Variants in MACF1 observed in about 807,000 individuals in gnomAD.
The protein encoded by MACF1 is microtubule-actin cross-linking factor 1.
In MACF1, 193 loss-of-function variants were observed where a neutral mutation model predicts 854.8. That is an observed-to-expected ratio of 0.23 (90% CI 0.20 to 0.25). The LOEUF is 0.25. MACF1 is among the 10% of genes least tolerant of loss of function. MACF1 has a pLI of 1.00. For synonymous variants in MACF1, 3,185 were observed against 3,226.7 expected, an observed-to-expected ratio of 0.99 and a Z score of 0.44; for missense variants, 7,722 against 8,929.1, an observed-to-expected ratio of 0.86 and a Z score of 5.45.
intron 55 of MACF1, 42 bp downstream of exon 55, chr1:39,380,415 G>T: frequency 6.3e-7 from 1 of 1,582,024 alleles, no homozygotes; most frequent in Non-Finnish European, 8.6e-7. Flanking sequence ...TAAGTTACTT[G>T]TCTTCAAAGC....
intron 97 of MACF1, among the ~76,000 whole-genome samples, chr1:39,474,212 C>T (rs1400874233): frequency 2.0e-5 from 3 of 152,042 alleles, no homozygotes; most frequent in Admixed American, 1.3e-4. Flanking sequence ...TATGGTGAAA[C>T]GCTGTTTCTA....
chr1:39,287,549 T>G lies in MACF1; in HGVS notation c.1772T>G (p.Val591Gly). The change falls in exon 15 of 101, where the codon GTA (valine) becomes GGA (glycine). Residue 591 changes from valine to glycine, a missense_variant. By Grantham distance (109) the Val-to-Gly change is moderately radical. This residue lies in a region of MACF1 where 1,137 missense variants were observed against 1,263.0 expected (regional missense o/e 0.90). Transcript: ENST00000564288. ...TTTGTGTATGAACTACTGTCTTGGGTAGAAGAGATGCAGGTGGGTGCATAT... is the reference window on the plus strand; with the variant it reads ...TTTGTGTATGAACTACTGTCTTGGGGAGAAGAGATGCAGGTGGGTGCATAT... ...LRFVYELLSW[V>G]EEMQMKLERA... The G allele has an allele frequency of 6.2e-7, 1 of 1,614,222 alleles. No individual in the cohort carries two copies. The highest frequency in any genetic ancestry group is 1.1e-5 in the South Asian group (1 of 91,088).
chr1:39,286,251 C>T (rs1393714615), intron 14 of MACF1, among the ~76,000 whole-genome samples: 1 of 151,798 alleles, frequency 6.6e-6, no homozygotes, highest in East Asian at 1.9e-4. Flanking sequence ...TGGGTTCAAG[C>T]GATCCTCCTG....
Position 39,105,405 on chromosome 1 carries a change from G to T in MACF1, c.220+20967G>T. The T allele has an allele frequency of 1.0e-6, 1 of 987,172 alleles. No individual in the cohort carries two copies. Among genetic ancestry groups the T allele is most frequent in the Non-Finnish European group, 1.2e-6 (1 of 832,026 alleles). 61.2% of individuals were successfully genotyped at this position (987,172 alleles called of 1,614,324 possible). ...CCGAGGGGTGAGGACGCGGAAACGCGAGCCGGGACCGGCGGAGCGCGAGCG... is the reference window on the plus strand; with the variant it reads ...CCGAGGGGTGAGGACGCGGAAACGCTAGCCGGGACCGGCGGAGCGCGAGCG... On this transcript the variant is annotated intron_variant, in intron 2 of 93. Transcript: ENST00000361689. This position sits in a 1 kb window ranked among gnomAD's most constrained non-coding sequence, Gnocchi z 5.9.
At position 39,084,589 on chromosome 1, in the gene MACF1, C is replaced by T. The variant is rs76104968; in HGVS notation, c.220+151C>T. ...TTTGTTATTATTATTCTTGGAAAGA[C>T]GTTGAAATAACATTAACGAAAAACT... On this transcript the variant is annotated intron_variant, in intron 2 of 93. Coordinates refer to the MACF1 transcript ENST00000361689. The surrounding 1 kb of genome is among the most constrained non-coding windows in gnomAD (Gnocchi z 5.2). The T allele has an allele frequency of 0.11, 80,988 of 708,664 alleles. 5,395 individuals are homozygous for T. Among genetic ancestry groups the T allele is most frequent in the Non-Finnish European group, 0.12 (53,705 of 436,624 alleles). 43.9% of individuals were successfully genotyped at this position (708,664 alleles called of 1,614,324 possible). A position where few individuals can be genotyped will look rare whatever the true frequency, so the allele number is the denominator to read the frequency against.
At chr1:39,326,680 C>CAAAAAAAA (rs57108021) in intron 35 of MACF1, among the ~76,000 whole-genome samples, 1 of 72,742 alleles carries the variant, frequency 1.4e-5, no homozygotes, top group Non-Finnish European at 2.6e-5. Context: ...GACTCCATCT[C>CAAAAAAAA]AAAAAAAAAA....
intron 58 of MACF1, among the ~76,000 whole-genome samples, chr1:39,402,782 T>A (rs1335084516): frequency 1.3e-5 from 2 of 152,178 alleles, no homozygotes; most frequent in African/African-American, 4.8e-5. Flanking sequence ...GCCTCACTAT[T>A]CCCCTCTTTC....
At chr1:39,365,242 A>AT (rs1050105846) in intron 49 of MACF1, among the ~76,000 whole-genome samples, 1 of 151,744 alleles carries the variant, frequency 6.6e-6, no homozygotes, top group Non-Finnish European at 1.5e-5. Flanking sequence ...CGTCCAGCTA[A>AT]TTTTTTTGTA....
intron 2 of MACF1, among the ~76,000 whole-genome samples, chr1:39,187,357 C>T (rs1179895457): frequency 1.3e-5 from 2 of 152,122 alleles, no homozygotes; most frequent in Non-Finnish European, 2.9e-5. Context: ...TCTTTTAGTT[C>T]AATAGTCTAT....
chr1:39,219,566 G>A (rs1241221274), intron 1 of MACF1, among the ~76,000 whole-genome samples: 1 of 152,140 alleles, frequency 6.6e-6, no homozygotes, highest in Non-Finnish European at 1.5e-5. Flanking sequence ...TATAATGTTT[G>A]TGCCATTATA....
chr1:39,284,979 T>G, intron 11 of MACF1, 104 bp from the exon 12 acceptor site: 1 of 1,449,708 alleles, frequency 6.9e-7, no homozygotes, highest in Non-Finnish European at 9.4e-7. Context: ...GAAAAACTGC[T>G]GAATGGCTGG....
intron 2 of MACF1, among the ~76,000 whole-genome samples, chr1:39,138,726 G>A (rs888539988): frequency 3.3e-5 from 5 of 150,304 alleles, no homozygotes; most frequent in African/African-American, 7.3e-5. Context: ...GTGCAATGGC[G>A]CAATCTCAGC....
At chr1:39,307,874 GATTATTT>G (rs1437043557) in intron 23 of MACF1, among the ~76,000 whole-genome samples, 6 of 143,610 alleles carry the variant, frequency 4.2e-5, no homozygotes, top group African/African-American at 1.5e-4. Context: ...GCCCAGTCTG[GATTATTT>G]CTCTTTTCTT....
chr1:39,301,728 GTTTGTTTT>G (rs1461750802), intron 22 of MACF1, among the ~76,000 whole-genome samples: 2 of 151,476 alleles, frequency 1.3e-5, no homozygotes, highest in Non-Finnish European at 2.9e-5. Context: ...CCCAGCGTTT[GTTTGTTTT>G]TTTTTTCCTT....
At chr1:39,433,836 T>C (rs1643916367) in intron 68 of MACF1, among the ~76,000 whole-genome samples, 1 of 152,134 alleles carries the variant, frequency 6.6e-6, no homozygotes, top group African/African-American at 2.4e-5. Context: ...TCCCAGCACA[T>C]TGGGAGGCCA....
At chr1:39,407,928 C>T (rs1267011237) in intron 58 of MACF1, among the ~76,000 whole-genome samples, 1 of 152,224 alleles carries the variant, frequency 6.6e-6, no homozygotes, top group Non-Finnish European at 1.5e-5. Flanking sequence ...TTCAGAGATG[C>T]AGCTGCCTCT....
chr1:39,371,265 C>T (rs1021486437), intron 51 of MACF1, among the ~76,000 whole-genome samples: 5 of 143,134 alleles, frequency 3.5e-5, no homozygotes, highest in African/African-American at 1.3e-4. Context: ...TTGCAGTGAG[C>T]TGAGATGGTG....
At chr1:39,213,730 T>C (rs4660546) in intron 1 of MACF1, among the ~76,000 whole-genome samples, 24,355 of 152,158 alleles carry the variant, frequency 0.16, 2,424 homozygotes, top group Middle Eastern at 0.22. Context: ...CTATTTCTTA[T>C]GCATTCCTTT....
intron 2 of MACF1, chr1:39,102,872 G>A (rs1642128272): frequency 1.4e-6 from 1 of 702,374 alleles, no homozygotes; most frequent in Non-Finnish European, 2.6e-6. Context: ...CTTGAAAGAA[G>A]CGAAAAACCT....
Sources: gnomAD v4.1 joint callset for allele counts (sites outside exome capture counted in the v4.1 genomes callset) on GRCh38, gnomAD v4.1.1 for gene constraint, gnomAD v4.1.1 regional missense constraint, Gnocchi (gnomAD v3.1) non-coding constraint, MANE v1.5 for transcripts, NCBI Gene and HGNC (gene_info 2026-07-23, HGNC 2026-07-21) for gene names.